Variants in PPM1D observed in about 807,000 individuals in gnomAD.
PPM1D encodes protein phosphatase, Mg2+/Mn2+ dependent 1D.
PPM1D carries 52 observed loss-of-function variants against 58.3 expected under a neutral mutation model. The observed-to-expected ratio is 0.89, with a 90% CI of 0.71 to 1.12. PPM1D has a LOEUF of 1.12. Among genes scored for constraint, PPM1D ranks in the 50% most tolerant of loss-of-function variants. The pLI is 0.00. For synonymous variants in PPM1D, 278 were observed against 285.1 expected (o/e 0.98, Z 0.25); for missense variants, 564 against 777.2 (o/e 0.73, Z 3.26).
chr17:60,641,768 T>C (rs1598409035), intron 3 of PPM1D, among the ~76,000 whole-genome samples: 1 of 152,208 alleles, frequency 6.6e-6, no homozygotes, highest in Non-Finnish European at 1.5e-5. Flanking sequence ...GAGAATGGAT[T>C]AGAGGGGGTA....
intron 5 of PPM1D, among the ~76,000 whole-genome samples, chr17:60,660,181 C>A (rs1238505354): frequency 6.6e-6 from 1 of 151,814 alleles, no homozygotes. Flanking sequence ...ACTAAGAATA[C>A]AAAAGTTAGC....
chr17:60,639,830 T>A (rs939769882), intron 3 of PPM1D, among the ~76,000 whole-genome samples: 1 of 152,186 alleles, frequency 6.6e-6, no homozygotes, highest in Non-Finnish European at 1.5e-5. Context: ...TGAACTGAGT[T>A]TTGAAGAATT....
intron 1 of PPM1D, among the ~76,000 whole-genome samples, chr17:60,610,162 G>C (rs1361375087): frequency 6.9e-6 from 1 of 144,872 alleles, no homozygotes; most frequent in Non-Finnish European, 1.5e-5. Flanking sequence ...CCTAGCAATA[G>C]AGTGAGACTG....
At chr17:60,639,454 T>C (rs1314358436) in intron 3 of PPM1D, among the ~76,000 whole-genome samples, 2 of 151,832 alleles carry the variant, frequency 1.3e-5, no homozygotes, top group East Asian at 3.9e-4. Flanking sequence ...CTTTTTTTTT[T>C]TGAGATGGAG....
At chr17:60,645,512 GTATATATATGTATATATATATGTGTA>G (rs1468341600) in intron 3 of PPM1D, among the ~76,000 whole-genome samples, 1 of 131,140 alleles carries the variant, frequency 7.6e-6, no homozygotes, top group Non-Finnish European at 1.5e-5. Context: ...ATATATATGT[GTATATATATGTATATATATATGTGTA>G]TATATATGTA....
chr17:60,642,124 G>T (rs1299107646), intron 3 of PPM1D, among the ~76,000 whole-genome samples: 1 of 152,170 alleles, frequency 6.6e-6, no homozygotes, highest in Non-Finnish European at 1.5e-5. Flanking sequence ...TTTGATATTA[G>T]ATAGAATCAT....
chr17:60,630,977 A>C (rs2030909335), intron 2 of PPM1D, among the ~76,000 whole-genome samples: 1 of 152,262 alleles, frequency 6.6e-6, no homozygotes, highest in Admixed American at 6.5e-5. Context: ...AAGAAAGCTT[A>C]ATACAACAAA....
intron 2 of PPM1D, among the ~76,000 whole-genome samples, chr17:60,624,282 A>G (rs2030760874): frequency 6.6e-6 from 1 of 152,244 alleles, no homozygotes; most frequent in South Asian, 2.1e-4. Context: ...ATTATTCTAA[A>G]AATCAAGAGA....
intron 1 of PPM1D, among the ~76,000 whole-genome samples, chr17:60,621,714 CG>C (rs1358101281): frequency 2.0e-5 from 3 of 150,864 alleles, no homozygotes; most frequent in African/African-American, 7.3e-5. Context: ...GCTGGGACTA[CG>C]GGCACCTGCC....
intron 1 of PPM1D, among the ~76,000 whole-genome samples, chr17:60,605,624 C>T (rs919141496): frequency 6.6e-6 from 1 of 152,192 alleles, no homozygotes; most frequent in African/African-American, 2.4e-5. Context: ...TATACCAGGC[C>T]AGGCGTGGTG....
intron 2 of PPM1D, 117 bp from the exon 3 acceptor site, chr17:60,633,736 A>G (rs1330413178): frequency 3.5e-6 from 4 of 1,134,852 alleles, no homozygotes; most frequent in Non-Finnish European, 4.9e-6. Context: ...TTTGAAACAC[A>G]TAAGACATTA....
At position 60,610,317 on chromosome 17, in the gene PPM1D, C is replaced by T. The variant is rs79197241; in HGVS notation, c.472+9431C>T. Reference sequence around the variant, plus strand: ...TGCGATAAGGGGGTACTACTCTATTCTTCTGGGTCTTACTTTTTTGGTTCA... The same window carrying T: ...TGCGATAAGGGGGTACTACTCTATTTTTCTGGGTCTTACTTTTTTGGTTCA... On this transcript the variant is annotated intron_variant, in intron 1 of 5. Transcript: ENST00000305921. Among the ~76,000 whole-genome samples, 858 of 152,064 alleles carry T rather than the reference C, an allele frequency of 5.6e-3. 7 individuals are homozygous for T. The highest frequency in any genetic ancestry group is 6.6e-3 in the Non-Finnish European group (448 of 68,014).
intron 4 of PPM1D, among the ~76,000 whole-genome samples, chr17:60,655,940 A>G (rs1215005350): frequency 1.4e-5 from 2 of 142,508 alleles, no homozygotes; most frequent in African/African-American, 2.6e-5. Context: ...TGACCTCATG[A>G]TCCACCCGCC....
At chr17:60,646,404 A>G (rs1428184221) in intron 3 of PPM1D, among the ~76,000 whole-genome samples, 1 of 152,170 alleles carries the variant, frequency 6.6e-6, no homozygotes, top group Non-Finnish European at 1.5e-5. Flanking sequence ...AAAAGGACAA[A>G]GCTTCCTCTT....
chr17:60,645,498 G>GTGTGTGTA (rs1555647660), intron 3 of PPM1D, among the ~76,000 whole-genome samples: 1 of 130,220 alleles, frequency 7.7e-6, no homozygotes, highest in African/African-American at 3.2e-5. Flanking sequence ...GTGTGTATGT[G>GTGTGTGTA]TATATATATA....
At chr17:60,655,347 C>CTTG (rs373634562) in intron 4 of PPM1D, among the ~76,000 whole-genome samples, 13 of 152,106 alleles carry the variant, frequency 8.5e-5, no homozygotes, top group Admixed American at 2.0e-4. Flanking sequence ...ATGTTTACTT[C>CTTG]TTGTTGTTGT....
chr17:60,609,433 G>A (rs111546819), intron 1 of PPM1D, among the ~76,000 whole-genome samples: 80 of 152,262 alleles, frequency 5.3e-4, no homozygotes, highest in African/African-American at 1.6e-3. Context: ...CTTACTATAT[G>A]TATGCTATTG....
intron 2 of PPM1D, among the ~76,000 whole-genome samples, chr17:60,626,180 A>ATATT (rs534924230): frequency 4.5e-4 from 69 of 152,292 alleles, no homozygotes; most frequent in African/African-American, 1.3e-3. Context: ...ACTTGCCAGT[A>ATATT]TATTTGTAGG....
chr17:60,629,471 A>G (rs917634392), intron 2 of PPM1D, among the ~76,000 whole-genome samples: 1 of 152,226 alleles, frequency 6.6e-6, no homozygotes, highest in Non-Finnish European at 1.5e-5. Flanking sequence ...CCTGCCCAGT[A>G]TTCTGCAAAG....
Sources: gnomAD v4.1 joint callset for allele counts (sites outside exome capture counted in the v4.1 genomes callset) on GRCh38, gnomAD v4.1.1 for gene constraint, MANE v1.5 for transcripts, NCBI Gene and HGNC (gene_info 2026-07-23, HGNC 2026-07-21) for gene names.